The following TENM1 variants were observed in gnomAD, a reference collection of about 807,000 sequenced individuals.
The protein encoded by TENM1 is teneurin-1.
Under a neutral mutation model 174.8 loss-of-function variants are expected in TENM1, and 35 were observed. That is an observed-to-expected ratio of 0.20 (90% CI 0.15 to 0.27). TENM1 has a LOEUF of 0.27. Ranked by LOEUF, TENM1 falls within the 10% of genes least tolerant of loss-of-function variation. TENM1 has a pLI of 1.00. For synonymous variants in TENM1, 781 were observed against 798.7 expected (o/e 0.98, Z 0.37); for missense variants, 1,633 against 2,130.1 (o/e 0.77, Z 4.59).
chrX:124,779,697 T>C (rs1162813301), intron 3 of TENM1, among the ~76,000 whole-genome samples: 1 of 111,949 alleles, frequency 8.9e-6, no homozygotes, highest in African/African-American at 3.2e-5. Flanking sequence ...CCCCTGGAAG[T>C]TGACTCTAAC....
the TENM1 span, among the ~76,000 whole-genome samples, chrX:124,993,752 G>A: frequency 9.0e-6 from 1 of 110,787 alleles, no homozygotes; most frequent in African/African-American, 3.3e-5. Context: ...TTCATTAAGT[G>A]AAAAAAGTAG....
At chrX:124,704,953 C>A (rs2052861598) in intron 5 of TENM1, 60 bp downstream of exon 8, 2 of 972,204 alleles carry the variant, frequency 2.1e-6, no homozygotes, top group African/African-American at 1.9e-5. Context: ...CCCATTCCCA[C>A]CACAAGCAAA....
At chrX:125,017,519 G>A in the TENM1 span, among the ~76,000 whole-genome samples, 8 of 111,474 alleles carry the variant, frequency 7.2e-5, no homozygotes, top group African/African-American at 1.6e-4. Flanking sequence ...ATCCCATTAC[G>A]GGGTATATAC....
chrX:124,659,605 T>C (rs1396147718), intron 6 of TENM1, among the ~76,000 whole-genome samples: 1 of 110,065 alleles, frequency 9.1e-6, no homozygotes, highest in Non-Finnish European at 1.9e-5. Flanking sequence ...CAACTCTCAT[T>C]TTTTTTTTAG....
intron 5 of TENM1, chrX:124,688,355 T>TA (rs1432603565): frequency 1.8e-5 from 2 of 109,963 alleles, no homozygotes; most frequent in African/African-American, 6.6e-5. Flanking sequence ...GTTCAAGCGA[T>TA]TCTTCTGTCT....
intron 19 of TENM1, among the ~76,000 whole-genome samples, chrX:124,502,057 C>A (rs1279843045): frequency 8.9e-6 from 1 of 111,922 alleles, no homozygotes; most frequent in African/African-American, 3.2e-5. Flanking sequence ...TGAATGAGCA[C>A]ACAAAATCTT....
chrX:125,039,492 T>C, the TENM1 span, among the ~76,000 whole-genome samples: 2 of 110,740 alleles, frequency 1.8e-5, no homozygotes, highest in South Asian at 7.6e-4. Context: ...CATTAGTTAG[T>C]ATATATTCTA....
the TENM1 span, among the ~76,000 whole-genome samples, chrX:125,165,353 A>G: frequency 8.9e-6 from 1 of 112,095 alleles, no homozygotes; most frequent in African/African-American, 3.2e-5. Flanking sequence ...TTAAACACTA[A>G]TACAGACACA....
rs770294569 is a variant in TENM1, at chrX:124,481,717, T to A, written c.3949+15A>T. ...AGGGTATATATATATATATATTTAT[T>A]TATTTATTTTTTACCTCGAGGGCTA... is the stretch of plus-strand genomic sequence containing the variant. On this transcript the variant is annotated intron_variant, in intron 22 of 31. Transcript: ENST00000422452. 297 of 315,365 alleles carry A rather than the reference T, an allele frequency of 9.4e-4. No homozygotes were observed. Among genetic ancestry groups the A allele is most frequent in the Non-Finnish European group, 1.3e-3 (243 of 189,867 alleles). The allele number at this position is 315,365 out of a possible 1,213,427, so 26.0% of individuals were successfully genotyped here.
the TENM1 span, among the ~76,000 whole-genome samples, chrX:125,031,883 A>G: frequency 8.9e-6 from 1 of 112,380 alleles, no homozygotes; most frequent in African/African-American, 3.2e-5. Context: ...AGACAAAACT[A>G]AGCAGATTTT....
chrX:124,604,810 A>G (rs756667925), intron 11 of TENM1, among the ~76,000 whole-genome samples: 2 of 111,120 alleles, frequency 1.8e-5, no homozygotes, highest in Admixed American at 9.6e-5. Context: ...TCCTAGATCC[A>G]GTAGCTGTGT....
At chrX:125,075,750 G>T in the TENM1 span, among the ~76,000 whole-genome samples, 2 of 111,275 alleles carry the variant, frequency 1.8e-5, no homozygotes, top group African/African-American at 6.5e-5. Flanking sequence ...AACCTAGTAA[G>T]TATCAGAGCC....
chrX:124,839,229 T>G (rs2056450412), intron 3 of TENM1, among the ~76,000 whole-genome samples: 1 of 111,664 alleles, frequency 9.0e-6, no homozygotes, highest in Non-Finnish European at 1.9e-5. Flanking sequence ...TAAAAAGAGT[T>G]TTAGTAATTT....
the TENM1 span, among the ~76,000 whole-genome samples, chrX:124,979,793 G>A: frequency 9.0e-6 from 1 of 111,136 alleles, no homozygotes; most frequent in South Asian, 3.8e-4. Flanking sequence ...AGAAGGAAGG[G>A]AAATATGAGG....
intron 25 of TENM1, among the ~76,000 whole-genome samples, chrX:124,419,876 G>A (rs2060632442): frequency 8.9e-6 from 1 of 111,926 alleles, no homozygotes; most frequent in Non-Finnish European, 1.9e-5. Flanking sequence ...GCTGGGCTGG[G>A]CTGGGCATAC....
At chrX:125,098,889 G>A in the TENM1 span, among the ~76,000 whole-genome samples, 2 of 112,027 alleles carry the variant, frequency 1.8e-5, no homozygotes, top group South Asian at 3.7e-4. Flanking sequence ...GACGAAATAC[G>A]GTACTATATT....
intron 4 of TENM1, among the ~76,000 whole-genome samples, chrX:124,713,429 C>T (rs978483417): frequency 1.4e-4 from 16 of 111,016 alleles, no homozygotes; most frequent in Non-Finnish European, 2.5e-4. Context: ...GCACCATGCC[C>T]GGCTAATTTT....
At chrX:124,963,821 G>T (rs958519594), upstream of TENM1, 20 of 899,049 alleles carry the variant, frequency 2.2e-5, 1 homozygote, top group Non-Finnish European at 3.0e-5. Context: ...AGCAGTCCTG[G>T]AAGAGAAAGG....
chrX:124,861,100 G>A (rs1205285064), intron 3 of TENM1, among the ~76,000 whole-genome samples: 2 of 111,902 alleles, frequency 1.8e-5, no homozygotes, highest in African/African-American at 6.5e-5. Flanking sequence ...TTATACAAAT[G>A]AGCAAACAGT....
Sources: gnomAD v4.1 joint callset for allele counts (sites outside exome capture counted in the v4.1 genomes callset) on GRCh38, gnomAD v4.1.1 for gene constraint, MANE v1.5 for transcripts, NCBI Gene and HGNC (gene_info 2026-07-23, HGNC 2026-07-21) for gene names.